The following CLASP2 variants were observed in gnomAD, a reference collection of about 807,000 sequenced individuals.
CLASP2 encodes the protein cytoplasmic linker associated protein 2, also known as CLIP-associating protein 2.
A neutral mutation model predicts 194.4 loss-of-function variants in CLASP2; 47 were observed. That is an observed-to-expected ratio of 0.24 (90% CI 0.19 to 0.31). The LOEUF (loss-of-function observed/expected upper bound fraction) is 0.31, where lower values mean the gene tolerates loss of function less well. Ranked by LOEUF, CLASP2 falls within the 10% of genes least tolerant of loss-of-function variation. The probability of loss-of-function intolerance (pLI) is 1.00; values close to 1 mark genes in which losing one functional copy is unlikely to be tolerated. For missense variants in CLASP2, 1,445 were observed against 1,823.6 expected, an observed-to-expected ratio of 0.79 and a Z score of 3.78; for synonymous variants, 619 against 633.5, an observed-to-expected ratio of 0.98 and a Z score of 0.34.
intron 3 of CLASP2, among the ~76,000 whole-genome samples, chr3:33,688,706 T>A (rs1015306742): frequency 2.0e-5 from 3 of 152,218 alleles, no homozygotes; most frequent in African/African-American, 7.2e-5. Flanking sequence ...AATGCTGCCA[T>A]TATAAGTCCA....
chr3:33,580,450 C>T (rs2065802026), intron 23 of CLASP2, among the ~76,000 whole-genome samples: 1 of 152,076 alleles, frequency 6.6e-6, no homozygotes, highest in African/African-American at 2.4e-5. Flanking sequence ...GTAATCCCAG[C>T]TACTCAGGAG....
chr3:33,658,076 G>A (rs865958605), intron 7 of CLASP2, among the ~76,000 whole-genome samples: 6 of 151,830 alleles, frequency 4.0e-5, no homozygotes, highest in Non-Finnish European at 8.8e-5. Context: ...TCTAGGCCTC[G>A]TAACAAAAAA....
chr3:33,611,360 C>T (rs2075142352), intron 13 of CLASP2, among the ~76,000 whole-genome samples: 1 of 152,118 alleles, frequency 6.6e-6, no homozygotes, highest in Non-Finnish European at 1.5e-5. Context: ...TTTTCCTTTA[C>T]CTCCCTGAAT....
At chr3:33,605,060 T>C (rs1429295990) in intron 16 of CLASP2, among the ~76,000 whole-genome samples, 1 of 152,222 alleles carries the variant, frequency 6.6e-6, no homozygotes, top group Admixed American at 6.5e-5. Flanking sequence ...TCACAGAATC[T>C]AAAGTTGTTT....
At position 33,718,052 on chromosome 3, in the gene CLASP2, C is replaced by T; in HGVS notation, c.-50G>A. The stretch of plus-strand genomic sequence containing the variant: ...CAGTCTGTGAGCGGCCAACTTTCGC[C>T]GAGAGCCGCCCAGCCTCCAGTGCGG... On this transcript the variant is annotated 5_prime_UTR_variant, in exon 1 of 39. Transcript: ENST00000682230. 2.1e-6 allele frequency: 3 copies of T among 1,438,900 alleles called. No homozygotes were observed. Among genetic ancestry groups the T allele is most frequent in the Non-Finnish European group, 2.7e-6 (3 of 1,103,694 alleles). The allele number at this position is 1,438,900 out of a possible 1,614,324, so 89.1% of individuals were successfully genotyped here. A position where few individuals can be genotyped will look rare whatever the true frequency, so the allele number is the denominator to read the frequency against.
intron 29 of CLASP2, among the ~76,000 whole-genome samples, chr3:33,558,119 G>A (rs1036763507): frequency 6.6e-6 from 1 of 152,160 alleles, no homozygotes; most frequent in African/African-American, 2.4e-5. Context: ...TACTGAGCAC[G>A]AGATGAATGC....
At chr3:33,566,592 G>T (rs908065143) in intron 27 of CLASP2, 140 bp downstream of exon 27, 6 of 285,832 alleles carry the variant, frequency 2.1e-5, no homozygotes, top group African/African-American at 1.4e-4. Context: ...ATGATAGTTT[G>T]CATAACTGCA....
chr3:33,636,739 T>C (rs1410876206), intron 8 of CLASP2, among the ~76,000 whole-genome samples: 1 of 152,156 alleles, frequency 6.6e-6, no homozygotes, highest in Admixed American at 6.6e-5. Context: ...CAGCTGGAAC[T>C]ATAGGCACGT....
At chr3:33,632,431 G>GAC in intron 8 of CLASP2, 60 bp from the exon 9 acceptor site, 1 of 1,157,400 alleles carries the variant, frequency 8.6e-7, no homozygotes, top group Non-Finnish European at 1.2e-6. Context: ...TAACATTAAT[G>GAC]ACAACATGAA....
intron 7 of CLASP2, 63 bp from the exon 8 acceptor site, chr3:33,644,966 C>T (rs753234687): frequency 1.5e-5 from 23 of 1,500,600 alleles, no homozygotes; most frequent in Admixed American, 1.5e-4. Context: ...TTCCCTAAAG[C>T]TCAAAAATAA....
chr3:33,544,440 C>T (rs533037181), intron 31 of CLASP2, among the ~76,000 whole-genome samples: 2 of 152,224 alleles, frequency 1.3e-5, no homozygotes, highest in South Asian at 2.1e-4. Flanking sequence ...GTTTTGCTCA[C>T]GTTTTGCTTT....
At chr3:33,708,549 T>C (rs866519103) in intron 1 of CLASP2, among the ~76,000 whole-genome samples, 29 of 143,082 alleles carry the variant, frequency 2.0e-4, no homozygotes, top group East Asian at 6.0e-4. Context: ...TATATGTATA[T>C]ATATATATAT....
At chr3:33,617,932 A>G (rs958598976) in intron 12 of CLASP2, among the ~76,000 whole-genome samples, 1 of 141,720 alleles carries the variant, frequency 7.1e-6, no homozygotes, top group Non-Finnish European at 1.5e-5. Context: ...AATTATTATT[A>G]TTATATATAT....
chr3:33,638,479 T>TG (rs1300509717), intron 8 of CLASP2, among the ~76,000 whole-genome samples: 1 of 152,074 alleles, frequency 6.6e-6, no homozygotes, highest in Non-Finnish European at 1.5e-5. Context: ...TAATTTTTTT[T>TG]GTATTTTCAG....
chr3:33,656,418 G>A (rs1025034488), intron 7 of CLASP2, among the ~76,000 whole-genome samples: 9 of 152,152 alleles, frequency 5.9e-5, no homozygotes, highest in Admixed American at 2.6e-4. Context: ...AATCTTATCA[G>A]AAAGCATAGA....
chr3:33,527,797 A>G (rs2054994595), intron 34 of CLASP2, among the ~76,000 whole-genome samples: 2 of 152,122 alleles, frequency 1.3e-5, no homozygotes, highest in African/African-American at 4.8e-5. Flanking sequence ...ACCCATCTTT[A>G]CTAAAAATAC....
rs2085642126 is a variant in CLASP2 at position 33,663,500 on chromosome 3, A to T, written c.660T>A (p.Phe220Leu). ...AACTTTGCACTTCATCAAATTTGGC[A>T]AATATCATTTCTAATCTGGGAATAA... ...GIPPARLEMI[F>L]AKFDEVQSSG... The change falls in exon 7 of 39, where the codon TTT becomes TTA. Residue 220 changes from phenylalanine (F) to leucine (L), a missense_variant. Phe to Leu is a conservative substitution (Grantham distance 22). Coordinates refer to ENST00000682230, the MANE Select transcript of CLASP2 (RefSeq NM_001365631.1). 1 of 1,611,640 alleles carries T rather than the reference A, an allele frequency of 6.2e-7. No homozygotes were observed. The highest frequency in any genetic ancestry group is 1.3e-5 in the African/African-American group (1 of 75,004).
intron 2 of CLASP2, among the ~76,000 whole-genome samples, chr3:33,696,254 C>T (rs909662414): frequency 1.3e-5 from 2 of 150,834 alleles, no homozygotes; most frequent in South Asian, 4.2e-4. Flanking sequence ...ACTGATCCTT[C>T]CCCATAAATA....
intron 8 of CLASP2, among the ~76,000 whole-genome samples, chr3:33,641,363 C>T (rs938857940): frequency 2.0e-5 from 3 of 151,866 alleles, no homozygotes; most frequent in African/African-American, 7.2e-5. Flanking sequence ...AGAAAATAGA[C>T]TATTTGAGAA....
Sources: allele counts gnomAD v4.1 joint callset (sites outside exome capture counted in the v4.1 genomes callset), GRCh38; gene constraint gnomAD v4.1.1; transcripts MANE v1.5; gene names NCBI Gene and HGNC (gene_info 2026-07-23, HGNC 2026-07-21).